The following CEP97 variants were observed in gnomAD, a reference collection of about 807,000 sequenced individuals.
CEP97 encodes the protein centrosomal protein of 97 kDa.
Under a neutral mutation model 73.1 loss-of-function variants are expected in CEP97, and 43 were observed. The ratio of observed to expected loss-of-function variants is 0.59; its 90% CI spans 0.46 to 0.76. The LOEUF is 0.76. Ranked by LOEUF, CEP97 falls within the 30% of genes least tolerant of loss-of-function variation. The probability of loss-of-function intolerance (pLI) is 0.00; values close to 1 mark genes in which losing one functional copy is unlikely to be tolerated. For synonymous variants in CEP97, 337 were observed against 370.0 expected, an observed-to-expected ratio of 0.91 and a Z score of 1.02; for missense variants, 939 against 1,014.0, an observed-to-expected ratio of 0.93 and a Z score of 1.00.
intron 4 of CEP97, 77 bp downstream of exon 4, chr3:101,729,014 T>A: frequency 1.2e-6 from 1 of 831,086 alleles, no homozygotes; most frequent in Non-Finnish European, 2.0e-6. Flanking sequence ...GACCTAAAAT[T>A]AGCCTGCTTT....
chr3:101,740,829 T>C (rs986506588), intron 6 of CEP97, among the ~76,000 whole-genome samples: 5 of 152,192 alleles, frequency 3.3e-5, no homozygotes, highest in Non-Finnish European at 7.3e-5. Context: ...CCTCAGGTGA[T>C]CCACCCGCCT....
intron 6 of CEP97, among the ~76,000 whole-genome samples, chr3:101,734,569 G>A (rs549542775): frequency 3.0e-4 from 46 of 152,302 alleles, no homozygotes; most frequent in African/African-American, 9.1e-4. Flanking sequence ...GCACAGGGCC[G>A]TGAGGAATGG....
intron 6 of CEP97, among the ~76,000 whole-genome samples, chr3:101,752,746 A>G (rs574921240): frequency 6.6e-5 from 10 of 152,222 alleles, no homozygotes; most frequent in African/African-American, 2.4e-4. Flanking sequence ...CAGCTCCATC[A>G]GCTCCTTTAA....
At position 101,765,147 on chromosome 3, in the gene CEP97, A is replaced by C. The variant is rs145009944; in HGVS notation, c.2194A>C (p.Ile732Leu). Residue 732 changes from isoleucine (I) to leucine (L), a missense_variant, in exon 11 of 11, where the codon ATA (isoleucine) becomes CTA (leucine). Physicochemically the swap from Ile to Leu is conservative, Grantham distance 5. Transcript: ENST00000341893. ...TTCCACAGAAGGCAGTGAAAGCTCC[A>C]TAATGGGGAATTCCATTGACACAGT... is the stretch of plus-strand genomic sequence containing the variant. The part of the protein sequence containing the change: ...KSSTEGSESS[I>L]MGNSIDTVRY... 1.2e-6 allele frequency: 2 copies of C among 1,614,236 alleles called. No homozygotes were observed. Among genetic ancestry groups the C allele is most frequent in the Non-Finnish European group, 1.7e-6 (2 of 1,180,044 alleles).
At chr3:101,764,798 A>G (rs1334641060) in intron 10 of CEP97, 49 bp from the exon 11 acceptor site, 2 of 1,513,004 alleles carry the variant, frequency 1.3e-6, no homozygotes, top group Non-Finnish European at 1.8e-6. Flanking sequence ...CAAACAAACA[A>G]AAACAACACT....
chr3:101,724,905 C>T (rs756803112), intron 1 of CEP97, among the ~76,000 whole-genome samples, 186 bp downstream of exon 1: 1 of 152,230 alleles, frequency 6.6e-6, no homozygotes, highest in East Asian at 1.9e-4. Context: ...AGCTCTCCGG[C>T]GTCGCGGTGA....
intron 7 of CEP97, among the ~76,000 whole-genome samples, chr3:101,756,316 C>T (rs532217662): frequency 6.6e-6 from 1 of 152,064 alleles, no homozygotes; most frequent in South Asian, 2.1e-4. Flanking sequence ...GCCTTGGCCT[C>T]CCAAAGTGCT....
At chr3:101,763,212 T>A (rs1939216803) in intron 10 of CEP97, 1 of 1,230,950 alleles carries the variant, frequency 8.1e-7, no homozygotes, top group African/African-American at 1.6e-5. Context: ...TGGCCAAATT[T>A]GTTATAATAG....
In CEP97 at chr3:101,757,052, T is replaced by C. The variant is rs532126800; in HGVS notation, c.894-11T>C. On this transcript the variant is annotated splice_polypyrimidine_tract_variant and intron_variant, in intron 7 of 10. Coordinates refer to ENST00000341893, the MANE Select transcript of CEP97 (RefSeq NM_024548.4). Reference sequence around the variant, plus strand: ...TTGTGTTAAATTAGACCAGGTATTATTGATTTTTAGGTTTCACCAGAGGCA... The same window carrying C: ...TTGTGTTAAATTAGACCAGGTATTACTGATTTTTAGGTTTCACCAGAGGCA... The C allele has an allele frequency of 7.5e-6, 12 of 1,596,942 alleles. No individual in the cohort carries two copies. In the African/African-American group the frequency reaches 8.1e-5, roughly 11 times the overall value.
rs1560023909 is a variant in CEP97 at position 101,765,770 on chromosome 3, T to A, written c.*219T>A. 1 of 484,562 alleles carries A rather than the reference T, an allele frequency of 2.1e-6. No individual in the cohort carries two copies. Among genetic ancestry groups the A allele is most frequent in the Non-Finnish European group, 3.6e-6 (1 of 275,394 alleles). 30.0% of individuals were successfully genotyped at this position (484,562 alleles called of 1,614,324 possible). A position where few individuals can be genotyped will look rare whatever the true frequency, so the allele number is the denominator to read the frequency against. ...CTTAGCTGTAAGGTACCAAACTATT[T>A]ATATTGAAAGCTATATGCACTTTAT... On this transcript the variant is annotated 3_prime_UTR_variant, in exon 11 of 11. Transcript: ENST00000341893.
chr3:101,751,699 G>A (rs900842480), intron 6 of CEP97, among the ~76,000 whole-genome samples: 2 of 152,002 alleles, frequency 1.3e-5, no homozygotes, highest in African/African-American at 2.4e-5. Flanking sequence ...ATCTTTGTTG[G>A]TTAAAGTCTG....
At chr3:101,731,192 CT>C (rs35988030) in intron 4 of CEP97, among the ~76,000 whole-genome samples, 48,162 of 123,206 alleles carry the variant, frequency 0.39, 7,980 homozygotes, top group East Asian at 0.46. Flanking sequence ...GTTTTAATGA[CT>C]TTTTTTTTTT....
chr3:101,735,780 A>G (rs1194847597), intron 6 of CEP97, among the ~76,000 whole-genome samples: 1 of 152,226 alleles, frequency 6.6e-6, no homozygotes, highest in East Asian at 1.9e-4. Context: ...GCCGTTGGGC[A>G]GACACCAAGC....
chr3:101,747,800 A>G (rs1015846565), intron 6 of CEP97, among the ~76,000 whole-genome samples: 2 of 150,702 alleles, frequency 1.3e-5, no homozygotes, highest in Non-Finnish European at 1.5e-5. Context: ...CACTTTCAAG[A>G]GTGGAATCAT....
intron 1 of CEP97, among the ~76,000 whole-genome samples, chr3:101,725,777 A>G (rs1937861060): frequency 6.6e-6 from 1 of 150,980 alleles, no homozygotes; most frequent in South Asian, 2.1e-4. Context: ...CTTAAACCAC[A>G]CCTCTCAAGC....
chr3:101,747,560 T>G (rs1246568047), intron 6 of CEP97, among the ~76,000 whole-genome samples: 3 of 147,806 alleles, frequency 2.0e-5, no homozygotes, highest in Admixed American at 1.4e-4. Flanking sequence ...CGCCTGGCCT[T>G]CCTTTTTTTT....
chr3:101,753,702 C>T (rs1248018550), intron 6 of CEP97, among the ~76,000 whole-genome samples: 10 of 152,110 alleles, frequency 6.6e-5, no homozygotes, highest in South Asian at 2.1e-4. Context: ...TAGGACCCTC[C>T]GAGCCAGGTG....
chr3:101,755,400 T>A, intron 6 of CEP97, 30 bp from the exon 7 acceptor site: 1 of 1,605,554 alleles, frequency 6.2e-7, no homozygotes, highest in Non-Finnish European at 8.5e-7. Context: ...TCTCATGCCA[T>A]CTCCTCTTTT....
intron 4 of CEP97, among the ~76,000 whole-genome samples, chr3:101,730,073 T>A (rs573453125): frequency 6.6e-6 from 1 of 152,174 alleles, no homozygotes; most frequent in Non-Finnish European, 1.5e-5. Flanking sequence ...CGCAAAGTGT[T>A]GGGATTACAA....
Sources: gnomAD v4.1 joint callset for allele counts (sites outside exome capture counted in the v4.1 genomes callset) on GRCh38, gnomAD v4.1.1 for gene constraint, MANE v1.5 for transcripts, NCBI Gene and HGNC (gene_info 2026-07-23, HGNC 2026-07-21) for gene names.